Variants in CHERP observed in about 807,000 individuals in gnomAD.
The protein encoded by CHERP is calcium homeostasis endoplasmic reticulum protein.
A neutral mutation model predicts 113.8 loss-of-function variants in CHERP; 8 were observed. The observed-to-expected ratio is 0.07, with a 90% CI of 0.04 to 0.13. The LOEUF (loss-of-function observed/expected upper bound fraction) is 0.13. Among genes scored for constraint, CHERP ranks in the 10% least tolerant of loss-of-function variants. CHERP has a pLI of 1.00. For missense variants in CHERP, 884 were observed against 1,298.2 expected (o/e 0.68, Z 4.90); for synonymous variants, 559 against 524.5 (o/e 1.07, Z -0.90).
At chr19:16,521,239 C>G (rs2085612237) in intron 12 of CHERP, 1 of 570,872 alleles carries the variant, frequency 1.8e-6, no homozygotes, top group Non-Finnish European at 3.1e-6. Flanking sequence ...GGGGTGACCA[C>G]TGGGAAGGGT....
In CHERP at chr19:16,529,565, G is replaced by A. The variant is rs2085682497; in HGVS notation, c.1129+83C>T. On this transcript the variant is annotated intron_variant, in intron 8 of 16. Coordinates refer to ENST00000546361, the MANE Select transcript of CHERP (RefSeq NM_006387.6). Reference sequence around the variant, plus strand: ...GGAACAAGAACTGAGTCTGAGGGTGGCAGACTGCTTTCTGACTACACTCGG... The same window carrying A: ...GGAACAAGAACTGAGTCTGAGGGTGACAGACTGCTTTCTGACTACACTCGG... 4 of 1,455,124 alleles carry A rather than the reference G, an allele frequency of 2.7e-6. No individual in the cohort carries two copies. In the Admixed American group the frequency reaches 8.2e-5, roughly 30 times the overall value. The allele number at this position is 1,455,124 out of a possible 1,614,324, so 90.1% of individuals were successfully genotyped here.
intron 3 of CHERP, among the ~76,000 whole-genome samples, chr19:16,533,393 C>T (rs2085720223): frequency 6.6e-6 from 1 of 152,210 alleles, no homozygotes; most frequent in Non-Finnish European, 1.5e-5. Flanking sequence ...CAGGAGACAA[C>T]ACCTGCCCTC....
Position 16,523,433 on chromosome 19 carries a change from AC to A in CHERP, c.1742-144del. 1 of 946,860 alleles carries A rather than the reference AC, an allele frequency of 1.1e-6. No homozygotes were observed. The highest frequency in any genetic ancestry group is 1.6e-6 in the Non-Finnish European group (1 of 636,658). 58.7% of individuals were successfully genotyped at this position (946,860 alleles called of 1,614,324 possible). A position where few individuals can be genotyped will look rare whatever the true frequency, so the allele number is the denominator to read the frequency against. On this transcript the variant is annotated intron_variant, in intron 10 of 16. Transcript: ENST00000546361. This position sits in a 1 kb window ranked among gnomAD's most constrained non-coding sequence, Gnocchi z 4.0. ...CCAGCATCTTCTCTCACTGCTTAAG[AC>A]CAGGCAGCAAGGCACCGAGGAGCCA...
rs1381631467 is a variant in CHERP at position 16,532,560 on chromosome 19, AG to A, written c.674+37del. On this transcript the variant is annotated intron_variant, in intron 5 of 16. Transcript: ENST00000546361. The surrounding 1 kb of genome is among the most constrained non-coding windows in gnomAD (Gnocchi z 4.4). ...CCCAGGAGGGTTGAGGAGGAGCGCG[AG>A]GAAGTGGCGCTCTGGGCACGGGGTG... is the stretch of plus-strand genomic sequence containing the variant. The A allele has an allele frequency of 1.3e-6, 2 of 1,554,252 alleles. No individual in the cohort carries two copies. The highest frequency in any genetic ancestry group is 1.7e-6 in the Non-Finnish European group (2 of 1,149,564).
chr19:16,520,246 A>G lies in CHERP; in HGVS notation c.2365T>C (p.Ser789Pro), dbSNP rs1404243205. 1 of 1,613,092 alleles carries G rather than the reference A, an allele frequency of 6.2e-7. No homozygotes were observed. Among genetic ancestry groups the G allele is most frequent in the Non-Finnish European group, 8.5e-7 (1 of 1,179,956 alleles). The change falls in exon 15 of 17, where the codon TCC becomes CCC. Residue 789 changes from serine (S) to proline (P), a missense_variant. Around this residue, in one of 8 missense-constraint regions of CHERP, gnomAD observed 159 missense variants for 185.8 expected, o/e 0.86. Coordinates refer to ENST00000546361, the MANE Select transcript of CHERP (RefSeq NM_006387.6). The surrounding 1 kb of genome is among the most constrained non-coding windows in gnomAD (Gnocchi z 4.0). The part of the protein sequence containing the change: ...SRSRSRSRSR[S>P]SRSRSRSQSR... ...TGGGACCGGGAGCGGCTTCTGGAGG[A>G]GCGCGACCTGCTCCGACTTCTGCAG...
Position 16,518,863 on chromosome 19 carries a change from A to C in CHERP, c.*296T>G. The C allele has an allele frequency of 5.0e-6, 2 of 402,468 alleles. No homozygotes were observed. Among genetic ancestry groups the C allele is most frequent in the East Asian group, 5.8e-5 (1 of 17,300 alleles). 24.9% of individuals were successfully genotyped at this position (402,468 alleles called of 1,614,324 possible). ...ACATCCATCCCTTCGTGGCTGAAGA[A>C]TTTACTCGGGCGGAGGGTCTTGTGT... On this transcript the variant is annotated 3_prime_UTR_variant, in exon 17 of 17. Transcript: ENST00000546361.
At chr19:16,541,270 G>A (rs144082821) in intron 2 of CHERP, 2 of 152,246 alleles carry the variant, frequency 1.3e-5, no homozygotes, top group Non-Finnish European at 2.9e-5. Flanking sequence ...GAACGTGACA[G>A]ATGTGATACC....
intron 2 of CHERP, among the ~76,000 whole-genome samples, chr19:16,536,999 G>A (rs868868665): frequency 6.6e-6 from 1 of 152,130 alleles, no homozygotes; most frequent in East Asian, 1.9e-4. Context: ...GTGACAGAGT[G>A]AGACTCCATC....
chr19:16,520,131 C>CTTTATT lies in CHERP; in HGVS notation c.2462+17_2462+18insAATAAA. 1.2e-6 allele frequency: 2 copies of CTTTATT among 1,610,772 alleles called. No homozygotes were observed. The highest frequency in any genetic ancestry group is 1.7e-6 in the Non-Finnish European group (2 of 1,178,372). On this transcript the variant is annotated intron_variant, in intron 15 of 16. Transcript: ENST00000546361. This position sits in a 1 kb window ranked among gnomAD's most constrained non-coding sequence, Gnocchi z 4.0. ...GCTTCCCAGAGTTACCAGCGCAGCA[C>CTTTATT]TTAAGACAGGATCTTACGGCGGGGT...
At position 16,532,350 on chromosome 19, in the gene CHERP, A is replaced by T; in HGVS notation, c.674+248T>A. The T allele has an allele frequency of 2.1e-6, 1 of 466,404 alleles. No individual in the cohort carries two copies. The highest frequency in any genetic ancestry group is 3.8e-6 in the Non-Finnish European group (1 of 262,272). 28.9% of individuals were successfully genotyped at this position (466,404 alleles called of 1,614,324 possible). ...GGCCCCCAGGAGACAGCAATGTGACAGGTGAGGCCGGGGTCTAGGGGAGAG... is the reference window on the plus strand; with the variant it reads ...GGCCCCCAGGAGACAGCAATGTGACTGGTGAGGCCGGGGTCTAGGGGAGAG... On this transcript the variant is annotated intron_variant, in intron 5 of 16. Transcript: ENST00000546361. This position sits in a 1 kb window ranked among gnomAD's most constrained non-coding sequence, Gnocchi z 4.4.
At position 16,520,639 on chromosome 19, in the gene CHERP, C is replaced by T. The variant is rs553914135; in HGVS notation, c.2202-132G>A. ...GGATGTGGCGCCATAGCCACAGCAACGGTACCAAGTTCCTAAATAGTGTGG... is the reference window on the plus strand; with the variant it reads ...GGATGTGGCGCCATAGCCACAGCAATGGTACCAAGTTCCTAAATAGTGTGG... On this transcript the variant is annotated intron_variant, in intron 13 of 16. Coordinates refer to ENST00000546361, the MANE Select transcript of CHERP (RefSeq NM_006387.6). The surrounding 1 kb of genome is among the most constrained non-coding windows in gnomAD (Gnocchi z 4.0). The T allele has an allele frequency of 7.1e-4, 859 of 1,216,600 alleles. 2 individuals are homozygous for T. Among genetic ancestry groups the T allele is most frequent in the Non-Finnish European group, 9.1e-4 (782 of 854,696 alleles). The allele number at this position is 1,216,600 out of a possible 1,614,324, so 75.4% of individuals were successfully genotyped here.
At chr19:16,538,585 A>T (rs1331815670) in intron 2 of CHERP, among the ~76,000 whole-genome samples, 1 of 152,198 alleles carries the variant, frequency 6.6e-6, no homozygotes, top group Non-Finnish European at 1.5e-5. Flanking sequence ...TGGGAGGCTG[A>T]GGCAGGAGAA....
At chr19:16,524,769 GT>G (rs925806394) in intron 10 of CHERP, among the ~76,000 whole-genome samples, 61 of 142,050 alleles carry the variant, frequency 4.3e-4, no homozygotes, top group Admixed American at 5.0e-4. Context: ...GTAGTTTTTT[GT>G]TTTTTTTTTT....
At chr19:16,521,231 G>A in intron 12 of CHERP, 2 of 572,288 alleles carry the variant, frequency 3.5e-6, no homozygotes, top group Non-Finnish European at 6.2e-6. Flanking sequence ...AGGAAGGAGG[G>A]GTGACCACTG....
In CHERP at chr19:16,525,564, G is replaced by T; in HGVS notation, c.1419C>A (p.Asn473Lys). ...WGEQRGDPGW[N>K]GQRDAPWNNQ... The stretch of plus-strand genomic sequence containing the variant: ...TGTTCCAGGGCGCGTCGCGCTGGCC[G>T]TTCCAGCCGGGGTCACCGCGCTGCT... Residue 473 changes from asparagine (N) to lysine (K), a missense_variant, in exon 10 of 17, where the codon AAC becomes AAA. Asn to Lys is a moderately conservative substitution (Grantham distance 94, BLOSUM62 0). Coordinates refer to ENST00000546361, the MANE Select transcript of CHERP (RefSeq NM_006387.6). The surrounding 1 kb of genome is among the most constrained non-coding windows in gnomAD (Gnocchi z 6.5). 6.5e-7 allele frequency: 1 copy of T among 1,540,826 alleles called. No homozygotes were observed.
chr19:16,520,594 G>A lies in CHERP; in HGVS notation c.2202-87C>T, dbSNP rs1345634528. 1 of 1,454,042 alleles carries A rather than the reference G, an allele frequency of 6.9e-7. No individual in the cohort carries two copies. Among genetic ancestry groups the A allele is most frequent in the Non-Finnish European group, 9.4e-7 (1 of 1,063,366 alleles). The allele number at this position is 1,454,042 out of a possible 1,614,324, so 90.1% of individuals were successfully genotyped here. Reference sequence around the variant, plus strand: ...GCCCTCAGGTTCCTAGACCACCCCAGATGCAGGGGCTCTGGCTGTGGATGT... The same window carrying A: ...GCCCTCAGGTTCCTAGACCACCCCAAATGCAGGGGCTCTGGCTGTGGATGT... On this transcript the variant is annotated intron_variant, in intron 13 of 16. Transcript: ENST00000546361. The surrounding 1 kb of genome is among the most constrained non-coding windows in gnomAD (Gnocchi z 4.0).
Position 16,530,493 on chromosome 19 carries a change from T to G in CHERP, c.876+92A>C. The G allele has an allele frequency of 8.6e-7, 1 of 1,166,558 alleles. No individual in the cohort carries two copies. Among genetic ancestry groups the G allele is most frequent in the Non-Finnish European group, 1.3e-6 (1 of 781,044 alleles). 72.3% of individuals were successfully genotyped at this position (1,166,558 alleles called of 1,614,324 possible). A position where few individuals can be genotyped will look rare whatever the true frequency, so the allele number is the denominator to read the frequency against. ...CAGGGGACATGGGCTCTCTGGCTGCTGGGGTGGCAGCTGCTGTCCCCACAC... is the reference window on the plus strand; with the variant it reads ...CAGGGGACATGGGCTCTCTGGCTGCGGGGGTGGCAGCTGCTGTCCCCACAC... On this transcript the variant is annotated intron_variant, in intron 7 of 16. Coordinates refer to ENST00000546361, the MANE Select transcript of CHERP (RefSeq NM_006387.6). The surrounding 1 kb of genome is among the most constrained non-coding windows in gnomAD (Gnocchi z 4.1).
intron 3 of CHERP, among the ~76,000 whole-genome samples, 182 bp from the exon 4 acceptor site, chr19:16,533,330 C>T (rs1419546386): frequency 4.6e-5 from 7 of 152,250 alleles, no homozygotes; most frequent in Admixed American, 3.3e-4. Flanking sequence ...TCATGCCTGC[C>T]GTGAATCTGT....
chr19:16,542,207 A>G, intron 1 of CHERP, 147 bp downstream of exon 1: 1 of 1,069,816 alleles, frequency 9.3e-7, no homozygotes, highest in Non-Finnish European at 1.3e-6. Flanking sequence ...GCTCGCCGGG[A>G]ATGCGGGGAC....
Sources: allele counts gnomAD v4.1 joint callset (sites outside exome capture counted in the v4.1 genomes callset), GRCh38; gene constraint gnomAD v4.1.1; regional missense constraint gnomAD v4.1.1; non-coding constraint Gnocchi (gnomAD v3.1); transcripts MANE v1.5; gene names NCBI Gene and HGNC (gene_info 2026-07-23, HGNC 2026-07-21).